The following RB1CC1 variants were observed in gnomAD, a reference collection of about 807,000 sequenced individuals.
RB1CC1 encodes RB1 inducible coiled-coil 1, also known as RB1-inducible coiled-coil protein 1.
A neutral mutation model predicts 177.5 loss-of-function variants in RB1CC1; 46 were observed. The observed-to-expected ratio is 0.26, with a 90% CI of 0.20 to 0.33. The LOEUF (loss-of-function observed/expected upper bound fraction) is 0.33. Ranked by LOEUF, RB1CC1 falls within the 10% of genes least tolerant of loss-of-function variation. RB1CC1 has a pLI of 1.00. For synonymous variants in RB1CC1, 666 were observed against 613.6 expected, an observed-to-expected ratio of 1.09 and a Z score of -1.26; for missense variants, 1,703 against 1,816.3, an observed-to-expected ratio of 0.94 and a Z score of 1.13.
At chr8:52,649,118 C>G (rs1415211197) in intron 15 of RB1CC1, among the ~76,000 whole-genome samples, 1 of 152,134 alleles carries the variant, frequency 6.6e-6, no homozygotes, top group Non-Finnish European at 1.5e-5. Flanking sequence ...AGCGAAATCA[C>G]ATAAAACGAA....
chr8:52,661,431 G>T (rs996806595), intron 9 of RB1CC1, 104 bp downstream of exon 9: 7 of 1,442,370 alleles, frequency 4.9e-6, no homozygotes, highest in Non-Finnish European at 6.6e-6. Context: ...CATCAATAAG[G>T]TATTTCAATA....
At chr8:52,687,748 G>C (rs1377496520) in intron 1 of RB1CC1, among the ~76,000 whole-genome samples, 2 of 152,136 alleles carry the variant, frequency 1.3e-5, no homozygotes, top group African/African-American at 4.8e-5. Flanking sequence ...CCAACACTTT[G>C]ACTGAAGTCT....
chr8:52,661,175 G>C lies in RB1CC1; in HGVS notation c.1465C>G (p.Leu489Val), dbSNP rs1249827866. 4 of 1,613,748 alleles carry C rather than the reference G, an allele frequency of 2.5e-6. No individual in the cohort carries two copies. Among genetic ancestry groups the C allele is most frequent in the African/African-American group, 1.3e-5 (1 of 74,904 alleles). Residue 489 changes from leucine to valine, a missense_variant, in exon 10 of 24, where the codon CTT becomes GTT. Physicochemically the swap from Leu to Val is conservative, Grantham distance 32. Coordinates refer to ENST00000025008, the MANE Select transcript of RB1CC1 (RefSeq NM_014781.5). Reference protein sequence around the residue: ...LLERVKIVEALSTVPQMYCLA... With the variant: ...LLERVKIVEAVSTVPQMYCLA... ...CAGTACATCTGAGGAACTGTACTAA[G>C]AGCTTCAACAATTTTGACTCTTTCT...
At position 52,642,801 on chromosome 8, in the gene RB1CC1, G is replaced by A. The variant is rs746998058; in HGVS notation, c.3999C>T (p.Asn1333=). The A allele has an allele frequency of 2.6e-6, 4 of 1,552,204 alleles. No individual in the cohort carries two copies. The South Asian group carries it at 3.8e-5, about 15-fold the overall frequency. Residue 1333 remains asparagine, a synonymous_variant, in exon 17 of 24, where the codon AAC becomes AAT. Coordinates refer to ENST00000025008, the MANE Select transcript of RB1CC1 (RefSeq NM_014781.5). The part of the protein sequence containing the change: ...SLIAEQQTNF[N]TVLTREKMRK... ...TCATTTTCTCTCTTGTTAAAACAGTGTTAAAATTGGTCTGGAACAAGAGAA... is the reference window on the plus strand; with the variant it reads ...TCATTTTCTCTCTTGTTAAAACAGTATTAAAATTGGTCTGGAACAAGAGAA...
intron 18 of RB1CC1, among the ~76,000 whole-genome samples, 188 bp downstream of exon 18, chr8:52,642,163 G>A (rs1430187423): frequency 6.6e-6 from 1 of 152,056 alleles, no homozygotes; most frequent in African/African-American, 2.4e-5. Context: ...TATAGTATGA[G>A]AGTACCCCAA....
At chr8:52,687,329 T>C (rs1290713827) in intron 1 of RB1CC1, among the ~76,000 whole-genome samples, 1 of 152,080 alleles carries the variant, frequency 6.6e-6, no homozygotes, top group Non-Finnish European at 1.5e-5. Flanking sequence ...CTTTTGTAAA[T>C]AGGAATAAAA....
In RB1CC1 at chr8:52,698,669, G is replaced by GTTTTTTTTTTTTTTTTTTTTTTTTT. The variant is rs1855693493; in HGVS notation, c.-166-11703_-166-11702insAAAAAAAAAAAAAAAAAAAAAAAAA. 8.8e-5 allele frequency among the ~76,000 whole-genome samples: 2 copies of GTTTTTTTTTTTTTTTTTTTTTTTTT among 22,770 alleles called. 1 individual carries two copies. Among genetic ancestry groups the GTTTTTTTTTTTTTTTTTTTTTTTTT allele is most frequent in the Non-Finnish European group, 1.9e-4 (2 of 10,598 alleles). The allele number at this position is 22,770 out of a possible 152,430, so 14.9% of individuals were successfully genotyped here. ...AACAAAAACTGTATATGTAATGGTT[G>GTTTTTTTTTTTTTTTTTTTTTTTTT]GTTTTTTTTTTTTTTTTTTTTTTTT... On this transcript the variant is annotated intron_variant, in intron 1 of 23. Transcript: ENST00000025008.
At chr8:52,660,803 G>C in intron 11 of RB1CC1, 123 bp downstream of exon 11, 1 of 1,094,504 alleles carries the variant, frequency 9.1e-7, no homozygotes, top group Non-Finnish European at 1.3e-6. Flanking sequence ...CACTTTAAAA[G>C]GAATATTTCC....
intron 23 of RB1CC1, 82 bp from the exon 24 acceptor site, chr8:52,623,941 A>C (rs1241351775): frequency 9.7e-6 from 8 of 827,098 alleles, no homozygotes; most frequent in East Asian, 5.3e-5. Context: ...CACACCCAAA[A>C]AACAAAAAGA....
At chr8:52,708,543 A>G (rs1856788769) in intron 1 of RB1CC1, among the ~76,000 whole-genome samples, 1 of 151,888 alleles carries the variant, frequency 6.6e-6, no homozygotes, top group African/African-American at 2.4e-5. Context: ...CAAACAAACA[A>G]AAGTCCAAGT....
intron 7 of RB1CC1, among the ~76,000 whole-genome samples, chr8:52,668,641 T>A (rs1272206734): frequency 6.6e-6 from 1 of 152,216 alleles, no homozygotes; most frequent in East Asian, 1.9e-4. Context: ...TGCTCAATTA[T>A]GCTTTCTCAC....
rs1298431003 is a variant in RB1CC1 at position 52,623,826 on chromosome 8, T to G, written c.4741A>C (p.Lys1581Gln). 1.2e-6 allele frequency: 2 copies of G among 1,609,686 alleles called. No individual in the cohort carries two copies. Among genetic ancestry groups the G allele is most frequent in the Non-Finnish European group, 1.7e-6 (2 of 1,176,468 alleles). ...QNRFKVPLGT[K>Q]FYRVKAVSWN... ...GATACGGCTTTCACTCTGTAAAACT[T>G]TGTCCCCAAAGGAACTTTAAATCTG... is the stretch of plus-strand genomic sequence containing the variant. The change falls in exon 24 of 24, where the codon AAG becomes CAG. Residue 1581 changes from lysine to glutamine, a missense_variant. Transcript: ENST00000025008.
At chr8:52,708,313 G>A (rs1211152836) in intron 1 of RB1CC1, among the ~76,000 whole-genome samples, 1 of 151,932 alleles carries the variant, frequency 6.6e-6, no homozygotes, top group Non-Finnish European at 1.5e-5. Flanking sequence ...TAAGGAGATC[G>A]AGACCATCCT....
At chr8:52,705,124 T>G (rs1468548635) in intron 1 of RB1CC1, among the ~76,000 whole-genome samples, 1 of 152,184 alleles carries the variant, frequency 6.6e-6, no homozygotes, top group Non-Finnish European at 1.5e-5. Flanking sequence ...TGTCAAAACA[T>G]GTCAAACATA....
At chr8:52,679,352 C>T (rs1463284187) in intron 5 of RB1CC1, among the ~76,000 whole-genome samples, 1 of 152,158 alleles carries the variant, frequency 6.6e-6, no homozygotes, top group Non-Finnish European at 1.5e-5. Context: ...TTCATATGTG[C>T]GGGACAGAAA....
At chr8:52,624,605 AC>A in intron 23 of RB1CC1, 111 bp downstream of exon 23, 1 of 856,202 alleles carries the variant, frequency 1.2e-6, no homozygotes, top group South Asian at 1.6e-5. Context: ...TCAAGCTCTA[AC>A]TGAAATGAGC....
chr8:52,643,879 A>G (rs1849783363), intron 16 of RB1CC1, among the ~76,000 whole-genome samples: 1 of 151,936 alleles, frequency 6.6e-6, no homozygotes, highest in South Asian at 2.1e-4. Flanking sequence ...AATGCTGGCA[A>G]TAGGGAGATT....
intron 3 of RB1CC1, among the ~76,000 whole-genome samples, chr8:52,684,843 AGATCTGTTTACT>A (rs1004678743): frequency 1.5e-4 from 23 of 152,174 alleles, no homozygotes; most frequent in African/African-American, 4.6e-4. Flanking sequence ...TTGTGTGAGT[AGATCTGTTTACT>A]GATCTGTTTA....
At chr8:52,706,517 G>C (rs1230752035) in intron 1 of RB1CC1, among the ~76,000 whole-genome samples, 8 of 151,628 alleles carry the variant, frequency 5.3e-5, no homozygotes. Flanking sequence ...CGGATCATGA[G>C]GTCAGGAGAT....
Sources: gnomAD v4.1 joint callset for allele counts (sites outside exome capture counted in the v4.1 genomes callset) on GRCh38, gnomAD v4.1.1 for gene constraint, MANE v1.5 for transcripts, NCBI Gene and HGNC (gene_info 2026-07-23, HGNC 2026-07-21) for gene names.